BANF2: variants seen among roughly 807,000 people sequenced by gnomAD.
BANF2 encodes the protein barrier-to-autointegration factor-like protein.
In BANF2, 4 loss-of-function variants were observed where a neutral mutation model predicts 8.0. The ratio of observed to expected loss-of-function variants is 0.50; its 90% CI spans 0.25 to 1.14. The LOEUF is 1.14. Ranked by LOEUF, BANF2 falls within the 50% of genes most tolerant of loss-of-function variation. The pLI, the probability that BANF2 is intolerant of heterozygous loss-of-function variation, is 0.16. For synonymous variants in BANF2, 50 were observed against 40.6 expected (o/e 1.23, Z -0.88); for missense variants, 96 against 107.5 (o/e 0.89, Z 0.47).
intron 1 of BANF2, chr20:17,712,120 C>G (rs188762025): frequency 6.6e-4 from 101 of 152,660 alleles, no homozygotes; most frequent in Middle Eastern, 3.4e-3. Context: ...GGAATCTGCT[C>G]CTTGCCATGG....
intron 1 of BANF2, among the ~76,000 whole-genome samples, chr20:17,713,453 AGTT>A (rs1441750731): frequency 6.6e-6 from 1 of 152,192 alleles, no homozygotes; most frequent in East Asian, 1.9e-4. Flanking sequence ...GGAAATGGGG[AGTT>A]GTTTATTGGA....
intron 2 of BANF2, among the ~76,000 whole-genome samples, chr20:17,723,422 A>G (rs1442585718): frequency 6.6e-6 from 1 of 152,222 alleles, no homozygotes; most frequent in Non-Finnish European, 1.5e-5. Context: ...CCCATTCACA[A>G]AGAAAGACTG....
At chr20:17,716,156 C>T (rs1246992618) in intron 1 of BANF2, among the ~76,000 whole-genome samples, 1 of 152,160 alleles carries the variant, frequency 6.6e-6, no homozygotes, top group African/African-American at 2.4e-5. Flanking sequence ...GTGGACTGTA[C>T]AAAATGGAGC....
intron 1 of BANF2, among the ~76,000 whole-genome samples, chr20:17,721,161 G>T (rs73898397): frequency 0.01 from 1,528 of 152,212 alleles, 26 homozygotes; most frequent in African/African-American, 0.035. Context: ...TCTCTGAGTA[G>T]CCTCATGTTT....
chr20:17,721,454 C>T (rs1217491262), intron 1 of BANF2, among the ~76,000 whole-genome samples: 1 of 151,388 alleles, frequency 6.6e-6, no homozygotes, highest in Non-Finnish European at 1.5e-5. Flanking sequence ...TGCAGTGGCG[C>T]AATCTCAGCT....
chr20:17,720,879 G>C (rs2037718127), intron 1 of BANF2, among the ~76,000 whole-genome samples: 2 of 152,194 alleles, frequency 1.3e-5, no homozygotes, highest in South Asian at 4.1e-4. Flanking sequence ...GTGGAAGTGA[G>C]GTCTGTGGGC....
intron 1 of BANF2, among the ~76,000 whole-genome samples, chr20:17,718,957 T>G (rs1298073835): frequency 1.3e-5 from 2 of 152,230 alleles, no homozygotes; most frequent in Admixed American, 1.3e-4. Flanking sequence ...TTGAGGCATC[T>G]GCTTAGTTCT....
At chr20:17,712,571 C>T (rs1466630706) in intron 1 of BANF2, 8 of 972,010 alleles carry the variant, frequency 8.2e-6, no homozygotes, top group South Asian at 4.8e-5. Flanking sequence ...TGCCCATGAA[C>T]GTTCATCTTT....
rs761205458 is a variant in BANF2, at chr20:17,735,645, CT to C, written c.127-19del. The C allele has an allele frequency of 1.7e-5, 27 of 1,610,958 alleles. No homozygotes were observed. Among genetic ancestry groups the C allele is most frequent in the Non-Finnish European group, 2.3e-5 (27 of 1,177,692 alleles). On this transcript the variant is annotated intron_variant, in intron 3 of 3. Transcript: ENST00000246090. ...ATGATAACCTTTCCTGCTTTCCTCC[CT>C]GTCTCATCCCCTCCCCAGGCCTACA...
chr20:17,696,946 C>CTGATGG (rs1264907247), upstream of BANF2, among the ~76,000 whole-genome samples: 1 of 151,906 alleles, frequency 6.6e-6, no homozygotes, highest in Non-Finnish European at 1.5e-5. Flanking sequence ...TCTAAGAGAT[C>CTGATGG]TGATGGTGAT....
At chr20:17,708,834 C>G (rs2037526343) in intron 1 of BANF2, among the ~76,000 whole-genome samples, 1 of 152,180 alleles carries the variant, frequency 6.6e-6, no homozygotes, top group African/African-American at 2.4e-5. Context: ...AGGCGGAACA[C>G]CACCCTTCCC....
chr20:17,701,664 T>A (rs986640825), intron 1 of BANF2, among the ~76,000 whole-genome samples: 5 of 152,198 alleles, frequency 3.3e-5, no homozygotes, highest in African/African-American at 1.2e-4. Flanking sequence ...GCCCACCCTC[T>A]GCGATTGAAC....
At chr20:17,716,971 C>T (rs1266338274) in intron 1 of BANF2, among the ~76,000 whole-genome samples, 1 of 152,136 alleles carries the variant, frequency 6.6e-6, no homozygotes, top group Non-Finnish European at 1.5e-5. Context: ...CCTGCCTTGG[C>T]CTCCCAAATT....
intron 2 of BANF2, among the ~76,000 whole-genome samples, chr20:17,723,561 G>A (rs1381039089): frequency 2.0e-5 from 3 of 152,186 alleles, no homozygotes; most frequent in Non-Finnish European, 4.4e-5. Context: ...ACTGAGTTTT[G>A]TGTTACTTTC....
At chr20:17,711,440 A>G (rs1387385592) in intron 1 of BANF2, among the ~76,000 whole-genome samples, 1 of 152,196 alleles carries the variant, frequency 6.6e-6, no homozygotes, top group African/African-American at 2.4e-5. Context: ...AGTAGCTGCA[A>G]ATTATGTATG....
At chr20:17,694,379 T>C (rs2037324652) in intron 1 of BANF2, among the ~76,000 whole-genome samples, 1 of 152,038 alleles carries the variant, frequency 6.6e-6, no homozygotes, top group Non-Finnish European at 1.5e-5. Context: ...AGAGGTCTTC[T>C]AGGTGCAGGG....
At chr20:17,707,704 C>T (rs1291719912) in intron 1 of BANF2, among the ~76,000 whole-genome samples, 2 of 151,922 alleles carry the variant, frequency 1.3e-5, no homozygotes, top group African/African-American at 4.8e-5. Flanking sequence ...CTCAGCTTCC[C>T]GAGTAGCTGG....
At chr20:17,735,451 C>A (rs2037963475) in intron 3 of BANF2, among the ~76,000 whole-genome samples, 1 of 152,212 alleles carries the variant, frequency 6.6e-6, no homozygotes, top group African/African-American at 2.4e-5. Flanking sequence ...GGCCCGCAAA[C>A]CAGCCCTGAG....
intron 1 of BANF2, among the ~76,000 whole-genome samples, chr20:17,711,292 T>C (rs181186670): frequency 1.3e-5 from 2 of 152,204 alleles, no homozygotes; most frequent in South Asian, 4.1e-4. Context: ...AAAGCCCTCA[T>C]GAGAGTCACT....
Sources: allele counts gnomAD v4.1 joint callset (sites outside exome capture counted in the v4.1 genomes callset), GRCh38; gene constraint gnomAD v4.1.1; transcripts MANE v1.5; gene names NCBI Gene and HGNC (gene_info 2026-07-23, HGNC 2026-07-21).